DLG2: variants seen among roughly 807,000 people sequenced by gnomAD.
DLG2 encodes the protein discs large MAGUK scaffold protein 2, also known as disks large homolog 2.
Under a neutral mutation model 132.5 loss-of-function variants are expected in DLG2, and 45 were observed. The observed-to-expected ratio is 0.34, with a 90% CI of 0.27 to 0.44. The LOEUF is 0.44. DLG2 is among the 20% of genes least tolerant of loss of function. The pLI is 1.00. For synonymous variants in DLG2, 424 were observed against 419.6 expected (o/e 1.01, Z -0.13); for missense variants, 1,045 against 1,196.9 (o/e 0.87, Z 1.87).
At chr11:84,568,724 C>A (rs2099468089) in intron 6 of DLG2, among the ~76,000 whole-genome samples, 3 of 152,064 alleles carry the variant, frequency 2.0e-5, no homozygotes, top group Non-Finnish European at 4.4e-5. Flanking sequence ...TTGGCTTAAC[C>A]TGGGAAGTCA....
chr11:84,416,980 G>A (rs561924900), intron 7 of DLG2, among the ~76,000 whole-genome samples: 41 of 152,246 alleles, frequency 2.7e-4, no homozygotes, highest in African/African-American at 7.5e-4. Flanking sequence ...ATTTGGATTC[G>A]ACGAATACTG....
At position 84,756,116 on chromosome 11, in the gene DLG2, T is replaced by A. The variant is rs552308664; in HGVS notation, c.358-221385A>T. On this transcript the variant is annotated intron_variant, in intron 6 of 27. Coordinates refer to ENST00000376104, the MANE Select transcript of DLG2 (RefSeq NM_001142699.3). ...CTATTTCAAAAAATCATAAAAAAAA[T>A]TTAAAACATCATTCATTTCCACAAT... 2.0e-5 allele frequency among the ~76,000 whole-genome samples: 3 copies of A among 152,268 alleles called. No individual in the cohort carries two copies. The East Asian group carries it at 5.8e-4, about 29-fold the overall frequency.
Position 84,872,981 on chromosome 11 carries a change from T to A in DLG2, c.357+238680A>T, listed in dbSNP as rs148187912. On this transcript the variant is annotated intron_variant, in intron 6 of 27. Transcript: ENST00000376104. ...TCAAATCCTACCTGATTAGCATTTT[T>A]AGAAATATGGAATTGTTACATCTAT... Among the ~76,000 whole-genome samples, 126 of 152,336 alleles carry A rather than the reference T, an allele frequency of 8.3e-4. 1 individual carries two copies. The highest frequency in any genetic ancestry group is 2.9e-3 in the African/African-American group (119 of 41,590).
intron 7 of DLG2, among the ~76,000 whole-genome samples, chr11:84,475,060 G>T (rs1023161039): frequency 4.6e-5 from 7 of 152,034 alleles, no homozygotes; most frequent in Non-Finnish European, 7.4e-5. Flanking sequence ...CATAAAATCT[G>T]CTAGATGTTA....
chr11:84,863,749 A>G (rs137881691), intron 6 of DLG2, among the ~76,000 whole-genome samples: 6 of 152,302 alleles, frequency 3.9e-5, no homozygotes, highest in Non-Finnish European at 5.9e-5. Flanking sequence ...TGACTGTGGT[A>G]AAAGAAATAA....
At chr11:85,379,839 G>A (rs1357168324) in intron 3 of DLG2, among the ~76,000 whole-genome samples, 1 of 152,148 alleles carries the variant, frequency 6.6e-6, no homozygotes, top group Non-Finnish European at 1.5e-5. Flanking sequence ...CTAAATGGTG[G>A]TGGTACTTTT....
intron 3 of DLG2, among the ~76,000 whole-genome samples, chr11:85,562,360 A>G (rs567787511): frequency 6.6e-6 from 1 of 151,938 alleles, no homozygotes; most frequent in South Asian, 2.1e-4. Context: ...AGAAGAGAAA[A>G]TGAGAGAAGG....
chr11:84,617,245 T>C (rs1246922457), intron 6 of DLG2, among the ~76,000 whole-genome samples: 1 of 152,020 alleles, frequency 6.6e-6, no homozygotes, highest in Non-Finnish European at 1.5e-5. Context: ...TTTGGTTTTC[T>C]GTTCCTGTGT....
intron 7 of DLG2, among the ~76,000 whole-genome samples, chr11:84,414,493 A>G (rs2098921861): frequency 6.6e-6 from 1 of 152,170 alleles, no homozygotes; most frequent in South Asian, 2.1e-4. Context: ...CCATCTTAAT[A>G]ATATACATAG....
At chr11:83,861,314 G>A (rs968360846) in intron 16 of DLG2, among the ~76,000 whole-genome samples, 13 of 152,160 alleles carry the variant, frequency 8.5e-5, no homozygotes, top group Admixed American at 6.5e-5. Context: ...ATGGAGAACA[G>A]TTTGGATGTT....
At chr11:84,710,675 C>T (rs1218183155) in intron 6 of DLG2, among the ~76,000 whole-genome samples, 3 of 151,720 alleles carry the variant, frequency 2.0e-5, no homozygotes, top group Non-Finnish European at 1.5e-5. Flanking sequence ...GAGATAATGA[C>T]TGTTTTTAGT....
intron 6 of DLG2, among the ~76,000 whole-genome samples, chr11:84,862,281 T>G (rs553044586): frequency 6.6e-6 from 1 of 152,120 alleles, no homozygotes. Flanking sequence ...TACCACCTCA[T>G]GCCAGTTAGA....
At chr11:84,092,335 C>A (rs570214395) in intron 10 of DLG2, among the ~76,000 whole-genome samples, 45 of 152,338 alleles carry the variant, frequency 3.0e-4, no homozygotes, top group African/African-American at 9.6e-4. Context: ...TATTGCAGGC[C>A]TTGCCTTTTA....
At chr11:84,847,133 A>T (rs752297080) in intron 6 of DLG2, among the ~76,000 whole-genome samples, 5 of 152,206 alleles carry the variant, frequency 3.3e-5, no homozygotes, top group Non-Finnish European at 1.5e-5. Context: ...TAATCAAAAC[A>T]GAAATTGATA....
chr11:84,672,875 G>A (rs1313255584), intron 6 of DLG2, among the ~76,000 whole-genome samples: 1 of 152,098 alleles, frequency 6.6e-6, no homozygotes, highest in East Asian at 1.9e-4. Flanking sequence ...TATGCAGGAA[G>A]CATGGCAGCA....
Position 85,285,215 on chromosome 11 carries a change from T to C in DLG2, c.186+5A>G. ...TCAGTTCTTTTGGAAGTTTCAGTAG[T>C]ATACCTCTGAAGATTTTTGAAGTCT... On this transcript the variant is annotated splice_donor_5th_base_variant and intron_variant, in intron 4 of 27. Transcript: ENST00000376104. 1.2e-6 allele frequency: 2 copies of C among 1,610,572 alleles called. No individual in the cohort carries two copies. Among genetic ancestry groups the C allele is most frequent in the Non-Finnish European group, 1.7e-6 (2 of 1,177,902 alleles).
intron 7 of DLG2, among the ~76,000 whole-genome samples, chr11:84,345,644 T>G (rs1358953140): frequency 3.3e-5 from 5 of 151,812 alleles, no homozygotes; most frequent in Non-Finnish European, 7.4e-5. Context: ...TTTCTTTTCT[T>G]TTTTTTTAAC....
At chr11:85,080,825 TAGA>T (rs1195639744) in intron 6 of DLG2, among the ~76,000 whole-genome samples, 2 of 152,120 alleles carry the variant, frequency 1.3e-5, no homozygotes, top group Non-Finnish European at 2.9e-5. Context: ...TTGGAAACCA[TAGA>T]AGAATTCTGT....
intron 7 of DLG2, among the ~76,000 whole-genome samples, chr11:84,417,841 C>T (rs2098935088): frequency 6.6e-6 from 1 of 152,164 alleles, no homozygotes; most frequent in Non-Finnish European, 1.5e-5. Context: ...GGAAGCCTTT[C>T]TGGATGAAAC....
Sources: gnomAD v4.1 joint callset for allele counts (sites outside exome capture counted in the v4.1 genomes callset) on GRCh38, gnomAD v4.1.1 for gene constraint, MANE v1.5 for transcripts, NCBI Gene and HGNC (gene_info 2026-07-23, HGNC 2026-07-21) for gene names.